The following WNK3 variants were observed in gnomAD, a reference collection of about 807,000 sequenced individuals.
WNK3 encodes serine/threonine-protein kinase WNK3.
WNK3 carries 18 observed loss-of-function variants against 116.7 expected under a neutral mutation model. The observed-to-expected ratio is 0.15, with a 90% CI of 0.11 to 0.23. The LOEUF is 0.23. Among genes scored for constraint, WNK3 ranks in the 10% least tolerant of loss-of-function variants. The pLI is 1.00. For missense variants in WNK3, 993 were observed against 1,323.8 expected, an observed-to-expected ratio of 0.75 and a Z score of 3.88; for synonymous variants, 404 against 469.4, an observed-to-expected ratio of 0.86 and a Z score of 1.80.
At chrX:54,232,111 GTGTA>G (rs1245384324) in intron 21 of WNK3, among the ~76,000 whole-genome samples, 8 of 95,570 alleles carry the variant, frequency 8.4e-5, no homozygotes, top group African/African-American at 3.3e-4. Flanking sequence ...GTGTGTGTGT[GTGTA>G]TATATATATA....
intron 1 of WNK3, among the ~76,000 whole-genome samples, chrX:54,344,210 G>A (rs113911256): frequency 8.9e-6 from 1 of 112,131 alleles, no homozygotes; most frequent in African/African-American, 3.2e-5. Context: ...TTGGGAGGCC[G>A]AGGCAGGCGG....
intron 20 of WNK3, among the ~76,000 whole-genome samples, chrX:54,234,443 A>C (rs2067938973): frequency 8.9e-6 from 1 of 111,839 alleles, no homozygotes; most frequent in African/African-American, 3.2e-5. Flanking sequence ...TTCAAAATTA[A>C]GTAGATATTC....
intron 10 of WNK3, among the ~76,000 whole-genome samples, chrX:54,265,598 T>A (rs1393119787): frequency 8.9e-6 from 1 of 112,094 alleles, no homozygotes; most frequent in Admixed American, 9.5e-5. Context: ...TATTGTGGCT[T>A]TTACTATCAA....
At chrX:54,340,191 T>G (rs1270403932) in intron 1 of WNK3, among the ~76,000 whole-genome samples, 1 of 111,001 alleles carries the variant, frequency 9.0e-6, no homozygotes, top group Non-Finnish European at 1.9e-5. Flanking sequence ...CTTCACCTCA[T>G]CAAAATTTTA....
chrX:54,278,697 C>CA (rs201023292), intron 10 of WNK3, among the ~76,000 whole-genome samples: 3 of 109,295 alleles, frequency 2.7e-5, no homozygotes, highest in Non-Finnish European at 3.8e-5. Context: ...ACTCCCTCCC[C>CA]AAAAAAAAAC....
intron 11 of WNK3, among the ~76,000 whole-genome samples, chrX:54,258,639 C>T (rs1603383770): frequency 9.1e-6 from 1 of 109,757 alleles, no homozygotes; most frequent in African/African-American, 3.3e-5. Flanking sequence ...CGGCCTCTAA[C>T]AATAATTTTA....
chrX:54,203,289 G>T (rs2067519663), intron 22 of WNK3, among the ~76,000 whole-genome samples: 1 of 111,699 alleles, frequency 9.0e-6, no homozygotes, highest in African/African-American at 3.3e-5. Flanking sequence ...TCATGCTTAT[G>T]ATATCATTCT....
intron 2 of WNK3, among the ~76,000 whole-genome samples, chrX:54,331,170 C>T (rs1210460892): frequency 9.2e-6 from 1 of 109,179 alleles, no homozygotes; most frequent in Admixed American, 9.9e-5. Context: ...CACACGTTTA[C>T]CTATGTAACA....
At chrX:54,244,514 T>A (rs1441239188) in intron 17 of WNK3, among the ~76,000 whole-genome samples, 1 of 111,899 alleles carries the variant, frequency 8.9e-6, no homozygotes, top group African/African-American at 3.2e-5. Context: ...TTAAAAAATA[T>A]TACAAGTATT....
chrX:54,302,759 T>TATATATAC (rs1569538447), intron 5 of WNK3, among the ~76,000 whole-genome samples: 1 of 12,644 alleles, frequency 7.9e-5, no homozygotes, highest in African/African-American at 2.4e-4. Context: ...ATATATATAT[T>TATATATAC]TTTTTTTTTT....
At chrX:54,258,128 AT>A (rs1295482081) in intron 11 of WNK3, among the ~76,000 whole-genome samples, 2 of 105,911 alleles carry the variant, frequency 1.9e-5, no homozygotes, top group African/African-American at 6.8e-5. Flanking sequence ...AAATACAAAA[AT>A]TAGCCAGGCG....
chrX:54,216,722 G>T (rs1337958852), intron 22 of WNK3, among the ~76,000 whole-genome samples: 1 of 112,006 alleles, frequency 8.9e-6, no homozygotes, highest in African/African-American at 3.2e-5. Context: ...CAAACTGTCT[G>T]AAGTTTGATC....
At chrX:54,294,256 C>T (rs2068672454) in intron 8 of WNK3, among the ~76,000 whole-genome samples, 1 of 111,678 alleles carries the variant, frequency 9.0e-6, no homozygotes, top group Non-Finnish European at 1.9e-5. Context: ...CAAACAAAAC[C>T]AGATGCTAGA....
chrX:54,307,341 G>A (rs782717454), intron 5 of WNK3, among the ~76,000 whole-genome samples: 19 of 111,396 alleles, frequency 1.7e-4, no homozygotes, highest in Middle Eastern at 4.6e-3. Context: ...ATATGAAGCA[G>A]TCCTCCTTTG....
chrX:54,342,013 G>A (rs1210136129), intron 1 of WNK3, among the ~76,000 whole-genome samples: 1 of 111,887 alleles, frequency 8.9e-6, no homozygotes, highest in East Asian at 2.8e-4. Flanking sequence ...CCAGTATTTG[G>A]GGCGGGAGTT....
intron 22 of WNK3, among the ~76,000 whole-genome samples, chrX:54,209,139 G>A (rs2067585808): frequency 8.9e-6 from 1 of 111,734 alleles, no homozygotes; most frequent in Non-Finnish European, 1.9e-5. Flanking sequence ...GGCCAATCTT[G>A]CCAGCAGGCC....
chrX:54,233,006 A>G (rs1557149375), exon 21 of WNK3: 1 of 1,205,363 alleles, frequency 8.3e-7, no homozygotes, highest in Non-Finnish European at 1.1e-6. Context: ...AAGATTTACC[A>G]CCTCCTGAAT....
chrX:54,326,244 C>G (rs1038038884), intron 2 of WNK3, among the ~76,000 whole-genome samples: 17 of 109,915 alleles, frequency 1.5e-4, no homozygotes, highest in Admixed American at 1.3e-3. Context: ...ATGCCCGCCA[C>G]TACACCCGGC....
intron 10 of WNK3, among the ~76,000 whole-genome samples, chrX:54,279,541 G>C (rs2068491201): frequency 9.0e-6 from 1 of 111,270 alleles, no homozygotes; most frequent in Non-Finnish European, 1.9e-5. Flanking sequence ...TCCTGCCTGG[G>C]CTACAGAAGG....
Sources: gnomAD v4.1 joint callset for allele counts (sites outside exome capture counted in the v4.1 genomes callset) on GRCh38, gnomAD v4.1.1 for gene constraint, MANE v1.5 for transcripts, NCBI Gene and HGNC (gene_info 2026-07-23, HGNC 2026-07-21) for gene names.